Variants in SEC22A observed in about 807,000 individuals in gnomAD.
SEC22A encodes vesicle-trafficking protein SEC22a.
SEC22A carries 22 observed loss-of-function variants against 35.3 expected under a neutral mutation model. That is an observed-to-expected ratio of 0.62 (90% CI 0.45 to 0.89). SEC22A has a LOEUF of 0.89. Among genes scored for constraint, SEC22A ranks in the 40% least tolerant of loss-of-function variants. SEC22A has a pLI of 0.00. For missense variants in SEC22A, 354 were observed against 362.5 expected, an observed-to-expected ratio of 0.98 and a Z score of 0.19; for synonymous variants, 119 against 129.5, an observed-to-expected ratio of 0.92 and a Z score of 0.55.
intron 5 of SEC22A, among the ~76,000 whole-genome samples, chr3:123,254,424 A>C (rs1232964709): frequency 6.6e-6 from 1 of 152,154 alleles, no homozygotes; most frequent in Non-Finnish European, 1.5e-5. Context: ...AAAAATGTGT[A>C]TTGGAACTCC....
chr3:123,230,135 A>G (rs1226106611), intron 4 of SEC22A, among the ~76,000 whole-genome samples: 1 of 152,096 alleles, frequency 6.6e-6, no homozygotes, highest in Non-Finnish European at 1.5e-5. Context: ...CAAGACTCTG[A>G]CTCGTAAAAA....
intron 2 of SEC22A, among the ~76,000 whole-genome samples, chr3:123,218,414 T>C (rs1937068532): frequency 6.6e-6 from 1 of 152,154 alleles, no homozygotes; most frequent in Non-Finnish European, 1.5e-5. Flanking sequence ...ACCTTGGCAA[T>C]TTAAAAATTG....
At chr3:123,263,030 C>G (rs530589928) in intron 6 of SEC22A, among the ~76,000 whole-genome samples, 1 of 152,130 alleles carries the variant, frequency 6.6e-6, no homozygotes, top group Non-Finnish European at 1.5e-5. Context: ...CCACAGGGAT[C>G]CCTCATGTTG....
intron 6 of SEC22A, among the ~76,000 whole-genome samples, chr3:123,269,179 A>ATATGTGTGTGTGTG (rs756213040): frequency 1.7e-5 from 2 of 120,666 alleles, no homozygotes; most frequent in African/African-American, 6.2e-5. Context: ...AATTAAATAT[A>ATATGTGTGTGTGTG]TGTGTGTGTG....
intron 2 of SEC22A, among the ~76,000 whole-genome samples, chr3:123,210,419 G>A (rs1936923045): frequency 1.3e-5 from 2 of 152,208 alleles, no homozygotes; most frequent in South Asian, 4.1e-4. Flanking sequence ...GGAACTGGAT[G>A]AATAATGTAG....
At chr3:123,268,464 T>G (rs6802621) in intron 6 of SEC22A, among the ~76,000 whole-genome samples, 29,775 of 151,944 alleles carry the variant, frequency 0.2, 3,015 homozygotes, top group Middle Eastern at 0.27. Flanking sequence ...GTTCAGAGTC[T>G]TCTTATGCTT....
chr3:123,233,589 T>A lies in SEC22A; in HGVS notation c.541+8292T>A, dbSNP rs151245962. ...AAGAAATGAAAAACACATGATTATC[T>A]CAATACATGCAGAAAAAGCATTTGA... On this transcript the variant is annotated intron_variant, in intron 4 of 6. Transcript: ENST00000492595. Among the ~76,000 whole-genome samples the A allele has an allele frequency of 9.9e-5, 15 of 151,924 alleles. No homozygotes were observed. In the East Asian group the frequency reaches 2.3e-3, roughly 23 times the overall value.
chr3:123,260,541 G>A (rs185696547), intron 6 of SEC22A, among the ~76,000 whole-genome samples: 1 of 152,206 alleles, frequency 6.6e-6, no homozygotes, highest in Non-Finnish European at 1.5e-5. Context: ...TCCAAGGCCA[G>A]AGGAGGCACA....
chr3:123,233,579 CAT>C (rs1937359275), intron 4 of SEC22A, among the ~76,000 whole-genome samples: 1 of 151,918 alleles, frequency 6.6e-6, no homozygotes, highest in South Asian at 2.1e-4. Context: ...ATGAAAAACA[CAT>C]GATTATCTCA....
chr3:123,219,533 CCT>C (rs1937087860), intron 2 of SEC22A, among the ~76,000 whole-genome samples: 1 of 152,162 alleles, frequency 6.6e-6, no homozygotes, highest in Admixed American at 6.5e-5. Flanking sequence ...AGTTACTAAG[CCT>C]CTCTGAGTTT....
chr3:123,249,736 C>G (rs1034196900), intron 5 of SEC22A, among the ~76,000 whole-genome samples: 1 of 152,032 alleles, frequency 6.6e-6, no homozygotes, highest in African/African-American at 2.4e-5. Flanking sequence ...GTTGGTCAGG[C>G]TGGTCTCGAA....
chr3:123,205,589 G>A (rs1936839020), intron 1 of SEC22A, among the ~76,000 whole-genome samples: 1 of 152,158 alleles, frequency 6.6e-6, no homozygotes, highest in African/African-American at 2.4e-5. Flanking sequence ...TTGGCAGGAT[G>A]AGGCAGGGGA....
intron 6 of SEC22A, among the ~76,000 whole-genome samples, chr3:123,260,861 A>C (rs1576503991): frequency 7.5e-6 from 1 of 133,520 alleles, no homozygotes; most frequent in African/African-American, 2.9e-5. Context: ...TTTTTGACGG[A>C]GTCTCGCTCT....
At chr3:123,270,717 A>G (rs575250793) in intron 6 of SEC22A, among the ~76,000 whole-genome samples, 1 of 152,344 alleles carries the variant, frequency 6.6e-6, no homozygotes, top group African/African-American at 2.4e-5. Context: ...GTGGAGAAAA[A>G]TAAAGCAGTA....
chr3:123,253,712 C>CAAAAAAAA (rs550562079), intron 5 of SEC22A, among the ~76,000 whole-genome samples: 1 of 103,230 alleles, frequency 9.7e-6, no homozygotes, highest in African/African-American at 3.5e-5. Flanking sequence ...GACTCCATCT[C>CAAAAAAAA]AAAAAAAAAA....
intron 1 of SEC22A, among the ~76,000 whole-genome samples, chr3:123,202,868 C>T (rs1406820946): frequency 6.6e-6 from 1 of 152,046 alleles, no homozygotes; most frequent in Non-Finnish European, 1.5e-5. Flanking sequence ...AATCACTTTC[C>T]ATGTTACTGA....
intron 5 of SEC22A, among the ~76,000 whole-genome samples, chr3:123,259,248 A>C (rs899296188): frequency 2.0e-5 from 3 of 152,128 alleles, no homozygotes; most frequent in South Asian, 4.1e-4. Flanking sequence ...TTTTATCGTT[A>C]TGTCAGAACT....
intron 2 of SEC22A, among the ~76,000 whole-genome samples, chr3:123,213,526 C>T (rs1936974103): frequency 6.6e-6 from 1 of 152,202 alleles, no homozygotes; most frequent in Non-Finnish European, 1.5e-5. Flanking sequence ...TTTTATGTCT[C>T]TAATGATCTC....
rs10642998 is a variant in SEC22A at position 123,269,215 on chromosome 3, G to GTGTGTGTATATA, written c.724-2306_724-2305insGTGTGTATATAT. Among the ~76,000 whole-genome samples the GTGTGTGTATATA allele has an allele frequency of 3.6e-3, 491 of 136,868 alleles. 2 individuals carry two copies. Among genetic ancestry groups the GTGTGTGTATATA allele is most frequent in the Admixed American group, 4.5e-3 (61 of 13,562 alleles). 89.8% of individuals were successfully genotyped at this position (136,868 alleles called of 152,430 possible). ...TGTGTGTGTGTGTGTGTGTGTGTGT[G>GTGTGTGTATATA]TATATATTACTGGAAATGCTAGCTC... On this transcript the variant is annotated intron_variant, in intron 6 of 6. Transcript: ENST00000492595.
Sources: gnomAD v4.1 joint callset for allele counts (sites outside exome capture counted in the v4.1 genomes callset) on GRCh38, gnomAD v4.1.1 for gene constraint, MANE v1.5 for transcripts, NCBI Gene and HGNC (gene_info 2026-07-23, HGNC 2026-07-21) for gene names.